CCDC148: variants seen among roughly 807,000 people sequenced by gnomAD.
CCDC148 encodes coiled-coil domain containing 148, also known as coiled-coil domain-containing protein 148.
CCDC148 carries 89 observed loss-of-function variants against 85.7 expected under a neutral mutation model. The ratio of observed to expected loss-of-function variants is 1.04; its 90% CI spans 0.87 to 1.24. CCDC148 has a LOEUF of 1.24. Ranked by LOEUF, CCDC148 falls within the 50% of genes most tolerant of loss-of-function variation. CCDC148 has a pLI of 0.00. For synonymous variants in CCDC148, 230 were observed against 213.9 expected (o/e 1.08, Z -0.66); for missense variants, 692 against 671.7 (o/e 1.03, Z -0.33).
intron 7 of CCDC148, among the ~76,000 whole-genome samples, chr2:158,328,473 T>C (rs1692909896): frequency 6.6e-6 from 1 of 152,178 alleles, no homozygotes; most frequent in Non-Finnish European, 1.5e-5. Context: ...ACAATAAACA[T>C]ACGTGTGCAT....
intron 2 of CCDC148, among the ~76,000 whole-genome samples, chr2:158,358,075 T>C (rs1054841490): frequency 6.6e-6 from 1 of 152,146 alleles, no homozygotes; most frequent in Non-Finnish European, 1.5e-5. Flanking sequence ...TGAGGACATA[T>C]TTGTATAGTG....
At chr2:158,303,164 G>T (rs555102799) in intron 9 of CCDC148, among the ~76,000 whole-genome samples, 1 of 152,128 alleles carries the variant, frequency 6.6e-6, no homozygotes, top group Non-Finnish European at 1.5e-5. Context: ...CCAAGGCTGA[G>T]AACAAAATTA....
At chr2:158,290,233 T>C (rs903984562) in intron 9 of CCDC148, among the ~76,000 whole-genome samples, 4 of 152,042 alleles carry the variant, frequency 2.6e-5, no homozygotes, top group Non-Finnish European at 5.9e-5. Context: ...TAAAGGAGGC[T>C]GGCGGTGGGA....
At chr2:158,225,757 T>C (rs533462066) in intron 10 of CCDC148, among the ~76,000 whole-genome samples, 152 of 152,108 alleles carry the variant, frequency 1.0e-3, no homozygotes, top group African/African-American at 3.3e-3. Context: ...TTGAAACCAA[T>C]GAGAACAAAG....
chr2:158,296,274 C>T (rs1377082892), intron 9 of CCDC148, among the ~76,000 whole-genome samples: 1 of 152,128 alleles, frequency 6.6e-6, no homozygotes, highest in African/African-American at 2.4e-5. Context: ...TTAAGGCTCA[C>T]TTATTTTTGC....
intron 11 of CCDC148, among the ~76,000 whole-genome samples, chr2:158,191,821 A>G (rs1685439416): frequency 6.6e-6 from 1 of 151,540 alleles, no homozygotes; most frequent in Non-Finnish European, 1.5e-5. Context: ...GAGACAGACA[A>G]CTCTACAAAG....
chr2:158,190,143 G>T (rs1685351585), intron 11 of CCDC148, among the ~76,000 whole-genome samples: 1 of 151,900 alleles, frequency 6.6e-6, no homozygotes, highest in African/African-American at 2.4e-5. Flanking sequence ...AACAAATCTA[G>T]TGTCAGTTCC....
At chr2:158,417,715 T>C (rs2193701) in intron 1 of CCDC148, among the ~76,000 whole-genome samples, 26,866 of 152,116 alleles carry the variant, frequency 0.18, 3,098 homozygotes, top group Middle Eastern at 0.26. Context: ...AAATTAAGCT[T>C]GTCTAATTCT....
chr2:158,247,366 T>C (rs1353788625), intron 10 of CCDC148, among the ~76,000 whole-genome samples: 1 of 152,102 alleles, frequency 6.6e-6, no homozygotes, highest in Non-Finnish European at 1.5e-5. Flanking sequence ...CCCCAAAATC[T>C]TATAAAGTTG....
At chr2:158,214,600 C>T (rs1686750249) in intron 11 of CCDC148, among the ~76,000 whole-genome samples, 1 of 152,130 alleles carries the variant, frequency 6.6e-6, no homozygotes, top group South Asian at 2.1e-4. Flanking sequence ...AGCCTCCAAC[C>T]CTGATGACAT....
intron 3 of CCDC148, among the ~76,000 whole-genome samples, chr2:158,343,058 G>C (rs572786514): frequency 6.6e-5 from 10 of 152,254 alleles, no homozygotes; most frequent in Non-Finnish European, 1.2e-4. Flanking sequence ...GCCCAGGCTA[G>C]AGTGCAGTGG....
chr2:158,277,796 C>A (rs890574604), intron 9 of CCDC148, among the ~76,000 whole-genome samples: 13 of 152,292 alleles, frequency 8.5e-5, no homozygotes, highest in Admixed American at 2.6e-4. Context: ...TGGGGTTTCA[C>A]CGTGTTAGCC....
Position 158,179,166 on chromosome 2 carries a change from A to ATTTTTTTTTTTTTT in CCDC148, c.1371-184_1371-171dup, listed in dbSNP as rs10699879. 3.4e-4 allele frequency among the ~76,000 whole-genome samples: 28 copies of ATTTTTTTTTTTTTT among 82,804 alleles called. 1 individual carries two copies. The highest frequency in any genetic ancestry group is 4.6e-4 in the Non-Finnish European group (21 of 45,974). 54.3% of individuals were successfully genotyped at this position (82,804 alleles called of 152,430 possible). On this transcript the variant is annotated intron_variant, in intron 11 of 13. Coordinates refer to ENST00000283233, the MANE Select transcript of CCDC148 (RefSeq NM_138803.4). ...ATAAAAGACACTCATATAAAATGCAATTTTTTTTTTTTTTTTTTTTTTTGA... is the reference window on the plus strand; with the variant it reads ...ATAAAAGACACTCATATAAAATGCAATTTTTTTTTTTTTTTTTTTTTTTTTTTTTTTTTTTTTGA...
At chr2:158,259,053 A>G (rs886357729) in intron 9 of CCDC148, among the ~76,000 whole-genome samples, 1 of 151,680 alleles carries the variant, frequency 6.6e-6, no homozygotes, top group African/African-American at 2.4e-5. Flanking sequence ...AACAGGCCAC[A>G]TGCCTTCCAG....
chr2:158,351,246 T>C (rs1683256725), intron 2 of CCDC148, among the ~76,000 whole-genome samples: 1 of 152,194 alleles, frequency 6.6e-6, no homozygotes, highest in Non-Finnish European at 1.5e-5. Flanking sequence ...GATGGCCGAA[T>C]AGGAACAGCT....
intron 1 of CCDC148, among the ~76,000 whole-genome samples, chr2:158,443,509 A>AGAAAAAG (rs774230667): frequency 6.7e-6 from 1 of 148,492 alleles, no homozygotes; most frequent in Non-Finnish European, 1.5e-5. Context: ...CTCAAAAAAA[A>AGAAAAAG]AAAAAAAAAA....
In CCDC148 at chr2:158,432,782, C is replaced by G. The variant is rs546006975; in HGVS notation, c.25+23633G>C. Among the ~76,000 whole-genome samples, 17 of 151,896 alleles carry G rather than the reference C, an allele frequency of 1.1e-4. No individual in the cohort carries two copies. The East Asian group carries it at 3.3e-3, about 30-fold the overall frequency. On this transcript the variant is annotated intron_variant, in intron 1 of 13. Coordinates refer to ENST00000283233, the MANE Select transcript of CCDC148 (RefSeq NM_138803.4). ...ATACCAAAGCCAAAAAAATAAATTA[C>G]AGGAAAAGAGACCAGGCGTAATGGC... is the stretch of plus-strand genomic sequence containing the variant.
chr2:158,355,264 A>G (rs1422831702), intron 2 of CCDC148, among the ~76,000 whole-genome samples: 1 of 152,088 alleles, frequency 6.6e-6, no homozygotes, highest in African/African-American at 2.4e-5. Flanking sequence ...AAGGATATTC[A>G]ATTAGGAAAA....
At chr2:158,284,278 TAA>T (rs199950000) in intron 9 of CCDC148, among the ~76,000 whole-genome samples, 3 of 146,468 alleles carry the variant, frequency 2.0e-5, no homozygotes, top group African/African-American at 5.0e-5. Context: ...AGTATAATAA[TAA>T]AAAAAAAAGA....
Sources: allele counts gnomAD v4.1 joint callset (sites outside exome capture counted in the v4.1 genomes callset), GRCh38; gene constraint gnomAD v4.1.1; transcripts MANE v1.5; gene names NCBI Gene and HGNC (gene_info 2026-07-23, HGNC 2026-07-21).